The following ZMAT4 variants were observed in gnomAD, a reference collection of about 807,000 sequenced individuals.
ZMAT4 encodes zinc finger matrin-type 4.
A neutral mutation model predicts 28.7 loss-of-function variants in ZMAT4; 17 were observed. That is an observed-to-expected ratio of 0.59 (90% confidence interval 0.41 to 0.89). The LOEUF is 0.89. Ranked by LOEUF, ZMAT4 falls within the 40% of genes least tolerant of loss-of-function variation. ZMAT4 has a pLI of 0.00. For synonymous variants in ZMAT4, 117 were observed against 109.2 expected, an observed-to-expected ratio of 1.07 and a Z score of -0.44; for missense variants, 240 against 283.8, an observed-to-expected ratio of 0.85 and a Z score of 1.11.
At chr8:40,881,369 C>T (rs951335155) in intron 1 of ZMAT4, among the ~76,000 whole-genome samples, 1 of 146,596 alleles carries the variant, frequency 6.8e-6, no homozygotes, top group East Asian at 2.0e-4. Flanking sequence ...GCCTGGGCAA[C>T]AGAGCAAGAC....
At chr8:40,698,703 A>G (rs183937732) in intron 3 of ZMAT4, among the ~76,000 whole-genome samples, 177 of 152,348 alleles carry the variant, frequency 1.2e-3, no homozygotes, top group Non-Finnish European at 1.8e-3. Flanking sequence ...TAGTTAGGAA[A>G]TGAATTCCTT....
chr8:40,619,505 G>A (rs772187244), intron 5 of ZMAT4, among the ~76,000 whole-genome samples: 8 of 152,238 alleles, frequency 5.3e-5, no homozygotes, highest in Admixed American at 1.3e-4. Context: ...TGGGGAAACC[G>A]TTGAGTCCGG....
intron 3 of ZMAT4, among the ~76,000 whole-genome samples, chr8:40,763,977 T>A (rs1475506202): frequency 6.9e-6 from 1 of 145,384 alleles, no homozygotes; most frequent in African/African-American, 2.6e-5. Context: ...AAAATCAAAG[T>A]ATCACACACA....
chr8:40,595,849 C>T (rs898359191), intron 5 of ZMAT4, among the ~76,000 whole-genome samples: 11 of 151,880 alleles, frequency 7.2e-5, no homozygotes, highest in African/African-American at 2.4e-4. Context: ...TTTGGGAGGC[C>T]GAGGCAGGCA....
intron 1 of ZMAT4, among the ~76,000 whole-genome samples, chr8:40,827,471 AACCAG>A (rs1325336854): frequency 6.6e-6 from 1 of 152,190 alleles, no homozygotes; most frequent in East Asian, 1.9e-4. Flanking sequence ...TGATCTAAAT[AACCAG>A]ACCACATTCA....
intron 6 of ZMAT4, among the ~76,000 whole-genome samples, chr8:40,570,917 G>A (rs75501670): frequency 9.0e-4 from 137 of 152,116 alleles, no homozygotes; most frequent in East Asian, 3.9e-3. Flanking sequence ...GAACCACATC[G>A]GGTAATGACC....
At chr8:40,802,091 A>C (rs1442535490) in intron 2 of ZMAT4, among the ~76,000 whole-genome samples, 4 of 152,252 alleles carry the variant, frequency 2.6e-5, no homozygotes, top group African/African-American at 9.6e-5. Context: ...TATTATAAAG[A>C]ACATCTACAA....
At chr8:40,814,179 CTAAT>C (rs1815440438) in intron 2 of ZMAT4, among the ~76,000 whole-genome samples, 1 of 152,194 alleles carries the variant, frequency 6.6e-6, no homozygotes. Context: ...ACTGAGGAAA[CTAAT>C]TAAATTCTCA....
intron 6 of ZMAT4, among the ~76,000 whole-genome samples, chr8:40,574,915 A>G (rs1424853920): frequency 6.6e-6 from 1 of 152,210 alleles, no homozygotes; most frequent in Non-Finnish European, 1.5e-5. Context: ...GTAGGAGCCC[A>G]CATTGTTTAC....
At position 40,827,805 on chromosome 8, in the gene ZMAT4, G is replaced by A. The variant is rs139033214; in HGVS notation, c.-4-2125C>T. On this transcript the variant is annotated intron_variant, in intron 1 of 6. Transcript: ENST00000297737. ...GCAGGTTCACCTCCTCCCCCACAAG[G>A]CAACCTGTTCCAGAGAGGGCAGAAG... Among the ~76,000 whole-genome samples the A allele has an allele frequency of 2.3e-4, 35 of 152,288 alleles. No homozygotes were observed. In the East Asian group the frequency reaches 6.2e-3, roughly 27 times the overall value.
At chr8:40,555,421 C>A (rs1803503618) in intron 6 of ZMAT4, among the ~76,000 whole-genome samples, 1 of 152,124 alleles carries the variant, frequency 6.6e-6, no homozygotes, top group Non-Finnish European at 1.5e-5. Flanking sequence ...CCACAGTCTT[C>A]AAGATTAACA....
At chr8:40,590,799 T>C (rs533352469) in intron 5 of ZMAT4, among the ~76,000 whole-genome samples, 1 of 152,282 alleles carries the variant, frequency 6.6e-6, no homozygotes, top group South Asian at 2.1e-4. Context: ...AAGACTTTTC[T>C]ACACACATTT....
rs150672556 is a variant in ZMAT4, at chr8:40,697,272, C to T, written c.322G>A (p.Gly108Arg). The change falls in exon 4 of 7, where the codon GGA (glycine) becomes AGA (arginine). Residue 108 changes from glycine to arginine, a missense_variant. Gly to Arg is a moderately radical substitution (Grantham distance 125, BLOSUM62 -2). Coordinates refer to ENST00000297737, the MANE Select transcript of ZMAT4 (RefSeq NM_024645.3). ...IHAKRLKLLL[G>R]EKTPLKTTAT... ...GTGGTCTTTAATGGGGTCTTCTCTC[C>T]TAGCAAGAGTTTTAACCTCTTGGCG... 9.9e-6 allele frequency: 16 copies of T among 1,612,684 alleles called. No individual in the cohort carries two copies. Among genetic ancestry groups the T allele is most frequent in the Non-Finnish European group, 1.4e-5 (16 of 1,179,372 alleles).
intron 3 of ZMAT4, among the ~76,000 whole-genome samples, chr8:40,709,888 A>G (rs545129234): frequency 6.6e-6 from 1 of 152,170 alleles, no homozygotes; most frequent in Non-Finnish European, 1.5e-5. Context: ...AATAAAAAAA[A>G]TTAGCCGGGT....
chr8:40,597,436 C>T (rs1805142821), intron 5 of ZMAT4, among the ~76,000 whole-genome samples: 1 of 152,138 alleles, frequency 6.6e-6, no homozygotes, highest in Non-Finnish European at 1.5e-5. Context: ...TGCTGCTTCC[C>T]CTGTCTGATC....
intron 3 of ZMAT4, among the ~76,000 whole-genome samples, chr8:40,735,137 A>C (rs975171442): frequency 3.3e-5 from 5 of 152,242 alleles, no homozygotes; most frequent in Non-Finnish European, 5.9e-5. Context: ...TCAGAACTCC[A>C]AATTTAATAT....
intron 4 of ZMAT4, among the ~76,000 whole-genome samples, chr8:40,696,151 T>C (rs995475468): frequency 6.6e-6 from 1 of 152,186 alleles, no homozygotes; most frequent in Admixed American, 6.5e-5. Flanking sequence ...TCATGTGTTT[T>C]GCAACCTCAT....
At chr8:40,605,929 C>G (rs575293850) in intron 5 of ZMAT4, among the ~76,000 whole-genome samples, 1 of 152,004 alleles carries the variant, frequency 6.6e-6, no homozygotes, top group Admixed American at 6.6e-5. Context: ...ATACAATGTC[C>G]CTCTTTGTCT....
At chr8:40,773,497 T>A (rs1403678775) in intron 2 of ZMAT4, among the ~76,000 whole-genome samples, 1 of 119,610 alleles carries the variant, frequency 8.4e-6, no homozygotes, top group Non-Finnish European at 1.9e-5. Flanking sequence ...TGCCAAAGAT[T>A]GGTGGCATCT....
Sources: gnomAD v4.1 joint callset for allele counts (sites outside exome capture counted in the v4.1 genomes callset) on GRCh38, gnomAD v4.1.1 for gene constraint, MANE v1.5 for transcripts, NCBI Gene and HGNC (gene_info 2026-07-23, HGNC 2026-07-21) for gene names.